ATXN7L1: variants seen among roughly 807,000 people sequenced by gnomAD.
The protein encoded by ATXN7L1 is ataxin-7-like protein 1.
In ATXN7L1, 15 loss-of-function variants were observed where a neutral mutation model predicts 70.8. The ratio of observed to expected loss-of-function variants is 0.21; its 90% CI spans 0.14 to 0.33. The LOEUF (loss-of-function observed/expected upper bound fraction) is 0.33, where lower values mean the gene tolerates loss of function less well. Among genes scored for constraint, ATXN7L1 ranks in the 10% least tolerant of loss-of-function variants. The probability of loss-of-function intolerance (pLI) is 1.00; values close to 1 mark genes in which losing one functional copy is unlikely to be tolerated. For missense variants in ATXN7L1, 975 were observed against 1,097.1 expected, an observed-to-expected ratio of 0.89 and a Z score of 1.57; for synonymous variants, 440 against 445.1, an observed-to-expected ratio of 0.99 and a Z score of 0.14.
chr7:105,763,563 T>C (rs1800818384), intron 3 of ATXN7L1, among the ~76,000 whole-genome samples: 1 of 152,220 alleles, frequency 6.6e-6, no homozygotes, highest in South Asian at 2.1e-4. Flanking sequence ...AACATCATGT[T>C]CCCCTTTGTA....
At chr7:105,660,663 A>G (rs1469642377) in intron 4 of ATXN7L1, among the ~76,000 whole-genome samples, 2 of 142,806 alleles carry the variant, frequency 1.4e-5, no homozygotes, top group African/African-American at 5.3e-5. Context: ...GCTCACTGCA[A>G]CCTCCGCCTC....
At chr7:105,693,004 C>T (rs565844537) in intron 3 of ATXN7L1, among the ~76,000 whole-genome samples, 20 of 152,146 alleles carry the variant, frequency 1.3e-4, no homozygotes, top group East Asian at 7.8e-4. Context: ...AAGCATGAGC[C>T]GTCATGCCCA....
At chr7:105,821,610 AG>A (rs1290049189) in intron 2 of ATXN7L1, among the ~76,000 whole-genome samples, 2 of 152,376 alleles carry the variant, frequency 1.3e-5, no homozygotes, top group Non-Finnish European at 2.9e-5. Flanking sequence ...GTGGAAGAGT[AG>A]GGTGGTTTCA....
At chr7:105,775,837 G>C (rs1014599379) in intron 3 of ATXN7L1, among the ~76,000 whole-genome samples, 1 of 152,194 alleles carries the variant, frequency 6.6e-6, no homozygotes, top group Non-Finnish European at 1.5e-5. Flanking sequence ...TGAGGGCGAT[G>C]TGACTCCAAT....
intron 2 of ATXN7L1, among the ~76,000 whole-genome samples, chr7:105,801,328 G>A (rs1806783751): frequency 6.6e-6 from 1 of 152,190 alleles, no homozygotes; most frequent in African/African-American, 2.4e-5. Flanking sequence ...GCTTCTCAAA[G>A]TATGAATACG....
At chr7:105,825,580 T>C (rs1404957308) in intron 2 of ATXN7L1, among the ~76,000 whole-genome samples, 1 of 127,496 alleles carries the variant, frequency 7.8e-6, no homozygotes, top group Non-Finnish European at 1.8e-5. Flanking sequence ...ATTGCCAATA[T>C]TGCCTAATAT....
chr7:105,802,925 C>T (rs532537768), intron 2 of ATXN7L1, among the ~76,000 whole-genome samples: 13 of 152,230 alleles, frequency 8.5e-5, no homozygotes, highest in Non-Finnish European at 1.5e-4. Flanking sequence ...GTGATTCCAG[C>T]AGCTTCGTAG....
intron 3 of ATXN7L1, among the ~76,000 whole-genome samples, chr7:105,683,600 A>C (rs544009056): frequency 2.6e-4 from 40 of 152,296 alleles, no homozygotes; most frequent in Non-Finnish European, 5.1e-4. Context: ...CGCTTGAATC[A>C]GGAGGTGGAG....
In ATXN7L1 at chr7:105,704,585, T is replaced by TCTCTC. The variant is rs201845167; in HGVS notation, c.356-39298_356-39297insGAGAG. Among the ~76,000 whole-genome samples the TCTCTC allele has an allele frequency of 9.9e-3, 666 of 67,030 alleles. 16 individuals are homozygous for TCTCTC. The highest frequency in any genetic ancestry group is 0.012 in the Middle Eastern group (2 of 162). 44.0% of individuals were successfully genotyped at this position (67,030 alleles called of 152,430 possible). On this transcript the variant is annotated intron_variant, in intron 3 of 11. Coordinates refer to ENST00000419735, the MANE Select transcript of ATXN7L1 (RefSeq NM_020725.2). Reference sequence around the variant, plus strand: ...CCAATGTCCAGAGAGGTTTTATCTCTTTTTTTTTTTTTTTTTTTTTTTTTT... The same window carrying TCTCTC: ...CCAATGTCCAGAGAGGTTTTATCTCTCTCTCTTTTTTTTTTTTTTTTTTTTTTTTT...
At position 105,639,523 on chromosome 7, in the gene ATXN7L1, C is replaced by G; in HGVS notation, c.909G>C (p.Glu303Asp). 6.4e-7 allele frequency: 1 copy of G among 1,551,518 alleles called. No homozygotes were observed. Among genetic ancestry groups the G allele is most frequent in the Non-Finnish European group, 8.7e-7 (1 of 1,146,918 alleles). Residue 303 changes from glutamate to aspartate, a missense_variant, in exon 6 of 12, where the codon GAG becomes GAC. By Grantham distance (45) the Glu-to-Asp change is conservative (BLOSUM62 2). Around this residue, in one of 5 missense-constraint regions of ATXN7L1, gnomAD observed 192 missense variants for 215.5 expected, o/e 0.89. Transcript: ENST00000419735. ...PNKHCGVLDP[E>D]TKKPCTRSLT... The stretch of plus-strand genomic sequence containing the variant: ...GGGATCTTGTGCAAGGTTTCTTTGT[C>G]TCGGGATCCAATACTCCACAGTGTT...
At chr7:105,773,898 G>A (rs1802362959) in intron 3 of ATXN7L1, among the ~76,000 whole-genome samples, 1 of 152,120 alleles carries the variant, frequency 6.6e-6, no homozygotes, top group South Asian at 2.1e-4. Flanking sequence ...TAAATGATAG[G>A]ACCGTAGTTC....
intron 11 of ATXN7L1, 119 bp downstream of exon 11, chr7:105,610,410 A>C: frequency 1.1e-6 from 1 of 882,862 alleles, no homozygotes; most frequent in African/African-American, 1.7e-5. Context: ...GAAGCCAGGT[A>C]GCCATGCTCT....
At chr7:105,707,289 C>G (rs1229040247) in intron 3 of ATXN7L1, among the ~76,000 whole-genome samples, 1 of 152,104 alleles carries the variant, frequency 6.6e-6, no homozygotes, top group Non-Finnish European at 1.5e-5. Flanking sequence ...GCCAGTTGGA[C>G]CAAGGCTTGT....
At position 105,614,159 on chromosome 7, in the gene ATXN7L1, G is replaced by T. The variant is rs1439061443; in HGVS notation, c.2175C>A (p.Gly725=). 1 of 1,551,676 alleles carries T rather than the reference G, an allele frequency of 6.4e-7. No homozygotes were observed. Among genetic ancestry groups the T allele is most frequent in the East Asian group, 2.4e-5 (1 of 40,914 alleles). ...EPSGRTSLPG[G]PADIVRQVGA... ...CCACCTGTCTCACTATGTCCGCGGG[G>T]CCGCCGGGCAGCGAGGTCCGTCCTG... The change falls in exon 10 of 12, where the codon GGC becomes GGA. Residue 725 remains glycine (G), a synonymous_variant. Coordinates refer to ENST00000419735, the MANE Select transcript of ATXN7L1 (RefSeq NM_020725.2). This position sits in a 1 kb window ranked among gnomAD's most constrained non-coding sequence, Gnocchi z 4.3.
In ATXN7L1 at chr7:105,842,240, C is replaced by T. The variant is rs117423186; in HGVS notation, c.250+33572G>A. 2.7e-5 allele frequency among the ~76,000 whole-genome samples: 4 copies of T among 150,350 alleles called. No individual in the cohort carries two copies. The South Asian group carries it at 8.4e-4, about 32-fold the overall frequency. On this transcript the variant is annotated intron_variant, in intron 2 of 11. Coordinates refer to ENST00000419735, the MANE Select transcript of ATXN7L1 (RefSeq NM_020725.2). ...TTTTATTGAGGTAAAATTCATATAA[C>T]ACAAAATTAATTATTTTAAACATTG...
At chr7:105,866,854 T>C (rs149438093) in intron 2 of ATXN7L1, among the ~76,000 whole-genome samples, 2 of 152,324 alleles carry the variant, frequency 1.3e-5, no homozygotes, top group South Asian at 2.1e-4. Flanking sequence ...CAGATGTGAA[T>C]AGTGGGCCAC....
chr7:105,620,465 C>A, intron 8 of ATXN7L1, 144 bp from the exon 9 acceptor site: 1 of 811,338 alleles, frequency 1.2e-6, no homozygotes, highest in Non-Finnish European at 1.8e-6. Flanking sequence ...AAAAATACTT[C>A]TGCAGTTCTG....
rs539332162 is a variant in ATXN7L1, at chr7:105,679,012, G to A, written c.356-13724C>T. 11 of 931,742 alleles carry A rather than the reference G, an allele frequency of 1.2e-5. No homozygotes were observed. In the South Asian group the frequency reaches 2.5e-4, roughly 21 times the overall value. 57.7% of individuals were successfully genotyped at this position (931,742 alleles called of 1,614,324 possible). Reference sequence around the variant, plus strand: ...TTCCGTGACCTGCGCCCAGCCCCACGCCGTCCTGTGTGGCCCTCGTGCCCT... The same window carrying A: ...TTCCGTGACCTGCGCCCAGCCCCACACCGTCCTGTGTGGCCCTCGTGCCCT... On this transcript the variant is annotated intron_variant, in intron 3 of 11. Transcript: ENST00000419735.
intron 2 of ATXN7L1, among the ~76,000 whole-genome samples, chr7:105,830,198 T>C (rs774198033): frequency 3.3e-5 from 5 of 152,256 alleles, no homozygotes. Flanking sequence ...GGAGCCTCTA[T>C]GGCAGAGCTG....
Sources: gnomAD v4.1 joint callset for allele counts (sites outside exome capture counted in the v4.1 genomes callset) on GRCh38, gnomAD v4.1.1 for gene constraint, gnomAD v4.1.1 regional missense constraint, Gnocchi (gnomAD v3.1) non-coding constraint, MANE v1.5 for transcripts, NCBI Gene and HGNC (gene_info 2026-07-23, HGNC 2026-07-21) for gene names.